The following MARCHF3 variants were observed in gnomAD, a reference collection of about 807,000 sequenced individuals.
The protein encoded by MARCHF3 is E3 ubiquitin-protein ligase MARCHF3.
Under a neutral mutation model 24.2 loss-of-function variants are expected in MARCHF3, and 13 were observed. That is an observed-to-expected ratio of 0.54 (90% CI 0.35 to 0.85). The LOEUF (loss-of-function observed/expected upper bound fraction) is 0.85, where lower values mean the gene tolerates loss of function less well. Ranked by LOEUF, MARCHF3 falls within the 40% of genes least tolerant of loss-of-function variation. The probability of loss-of-function intolerance (pLI) is 0.01; values close to 1 mark genes in which losing one functional copy is unlikely to be tolerated. For synonymous variants in MARCHF3, 144 were observed against 137.3 expected, an observed-to-expected ratio of 1.05 and a Z score of -0.34; for missense variants, 276 against 325.0, an observed-to-expected ratio of 0.85 and a Z score of 1.16.
intron 1 of MARCHF3, among the ~76,000 whole-genome samples, chr5:126,941,077 T>C (rs1424079792): frequency 6.6e-6 from 1 of 152,170 alleles, no homozygotes; most frequent in Non-Finnish European, 1.5e-5. Context: ...AACCACAAGT[T>C]TACAAAATTT....
At chr5:126,975,928 T>C (rs1315136929) in intron 1 of MARCHF3, among the ~76,000 whole-genome samples, 1 of 152,234 alleles carries the variant, frequency 6.6e-6, no homozygotes, top group Non-Finnish European at 1.5e-5. Flanking sequence ...ATATTCCCAG[T>C]AGGCCTGTGC....
At chr5:127,000,286 C>T (rs1680551206) in intron 1 of MARCHF3, among the ~76,000 whole-genome samples, 1 of 98,574 alleles carries the variant, frequency 1.0e-5, no homozygotes, top group African/African-American at 3.4e-5. Context: ...TGTTCTCACA[C>T]TCTGCCTCTT....
intron 3 of MARCHF3, among the ~76,000 whole-genome samples, chr5:126,885,532 A>T (rs1580599827): frequency 8.1e-6 from 1 of 123,336 alleles, no homozygotes; most frequent in Admixed American, 8.6e-5. Flanking sequence ...GTGCCATTGC[A>T]TTCCAGCCTG....
intron 1 of MARCHF3, among the ~76,000 whole-genome samples, chr5:126,936,873 G>A (rs151322674): frequency 6.6e-6 from 1 of 152,244 alleles, no homozygotes; most frequent in Non-Finnish European, 1.5e-5. Context: ...AGATCTCCAG[G>A]TAAAGAAATT....
At chr5:126,973,574 G>A (rs982164482) in intron 1 of MARCHF3, among the ~76,000 whole-genome samples, 2 of 152,200 alleles carry the variant, frequency 1.3e-5, no homozygotes, top group Non-Finnish European at 2.9e-5. Context: ...AGTGCAGAGG[G>A]TGGCAGAGAG....
At chr5:127,029,258 C>A (rs1753097430) in intron 1 of MARCHF3, among the ~76,000 whole-genome samples, 2 of 152,196 alleles carry the variant, frequency 1.3e-5, no homozygotes, top group South Asian at 4.2e-4. Context: ...TGTGTATATG[C>A]GCATCTACAT....
At chr5:126,899,548 T>G (rs1233792593) in intron 3 of MARCHF3, among the ~76,000 whole-genome samples, 1 of 152,030 alleles carries the variant, frequency 6.6e-6, no homozygotes, top group Non-Finnish European at 1.5e-5. Flanking sequence ...AAGACTCAAA[T>G]GCAGAGGAAG....
intron 1 of MARCHF3, among the ~76,000 whole-genome samples, chr5:127,026,199 G>A (rs1046666394): frequency 1.3e-5 from 2 of 152,126 alleles, no homozygotes; most frequent in African/African-American, 2.4e-5. Context: ...TTTTGTAACT[G>A]GGCAGAAATC....
Position 126,917,987 on chromosome 5 carries a change from T to C in MARCHF3, c.185A>G (p.Gln62Arg). 1.9e-6 allele frequency: 3 copies of C among 1,613,704 alleles called. No homozygotes were observed. The highest frequency in any genetic ancestry group is 2.5e-6 in the Non-Finnish European group (3 of 1,179,802). ...TTTATTTTAATTGTGGTACTACCTC[T>C]GGGTGGCAAGAGTCCGCACTACTGT... is the stretch of plus-strand genomic sequence containing the variant. ...LSTVVRTLAT[Q>R]SPFNDRPMCR... is the part of the protein sequence containing the mutation. Residue 62 changes from glutamine to arginine, a missense_variant, in exon 2 of 5, where the codon CAG becomes CGG. Transcript: ENST00000308660.
intron 1 of MARCHF3, among the ~76,000 whole-genome samples, chr5:126,940,662 G>GT (rs886450761): frequency 8.6e-5 from 13 of 151,918 alleles, no homozygotes; most frequent in Non-Finnish European, 1.9e-4. Context: ...GGCCAGGTTG[G>GT]TCTTAAACTC....
intron 3 of MARCHF3, among the ~76,000 whole-genome samples, chr5:126,895,854 C>T (rs999339948): frequency 1.5e-4 from 23 of 152,152 alleles, no homozygotes; most frequent in Non-Finnish European, 2.9e-4. Flanking sequence ...TTGGAGCTTC[C>T]GGGCTGCTTT....
intron 1 of MARCHF3, among the ~76,000 whole-genome samples, chr5:127,022,357 AC>A (rs1421597181): frequency 6.6e-6 from 1 of 152,242 alleles, no homozygotes; most frequent in Non-Finnish European, 1.5e-5. Flanking sequence ...TGGAGTTCTT[AC>A]CTGAAAAGAT....
intron 1 of MARCHF3, among the ~76,000 whole-genome samples, chr5:127,007,959 C>T (rs908740514): frequency 1.3e-5 from 2 of 151,810 alleles, no homozygotes; most frequent in Non-Finnish European, 2.9e-5. Context: ...CATGAGGGAA[C>T]CACAGCTGAG....
intron 4 of MARCHF3, among the ~76,000 whole-genome samples, chr5:126,873,319 A>C (rs1328938049): frequency 6.6e-6 from 1 of 152,112 alleles, no homozygotes; most frequent in African/African-American, 2.4e-5. Context: ...CACAGAGCAT[A>C]CATTTTAGTG....
chr5:126,984,550 G>A (rs1307922067), intron 1 of MARCHF3, among the ~76,000 whole-genome samples: 1 of 152,236 alleles, frequency 6.6e-6, no homozygotes, highest in African/African-American at 2.4e-5. Flanking sequence ...TGGGCTTCCA[G>A]GGCGGGCCCC....
At chr5:127,019,906 C>G (rs996819941) in intron 1 of MARCHF3, among the ~76,000 whole-genome samples, 1 of 152,138 alleles carries the variant, frequency 6.6e-6, no homozygotes, top group Non-Finnish European at 1.5e-5. Flanking sequence ...CTTAGAAGGT[C>G]TAGGACAGGA....
rs566436449 is a variant in MARCHF3 at position 127,019,968 on chromosome 5, T to A, written c.-57+10382A>T. On this transcript the variant is annotated intron_variant, in intron 1 of 4. Transcript: ENST00000308660. Reference sequence around the variant, plus strand: ...ATCTCAAGAATCCTGGGATAGGAGATGAGACAGCTTTTTAATTTACAACAC... The same window carrying A: ...ATCTCAAGAATCCTGGGATAGGAGAAGAGACAGCTTTTTAATTTACAACAC... Among the ~76,000 whole-genome samples the A allele has an allele frequency of 4.6e-5, 7 of 152,330 alleles. No homozygotes were observed. The East Asian group carries it at 1.3e-3, about 29-fold the overall frequency.
chr5:126,871,440 G>C (rs1304221858), intron 4 of MARCHF3, among the ~76,000 whole-genome samples: 1 of 152,164 alleles, frequency 6.6e-6, no homozygotes, highest in African/African-American at 2.4e-5. Context: ...AGGCTAGGTG[G>C]GGCACGACTC....
At chr5:126,971,950 C>T (rs1034924972) in intron 1 of MARCHF3, among the ~76,000 whole-genome samples, 7 of 152,184 alleles carry the variant, frequency 4.6e-5, no homozygotes, top group African/African-American at 1.2e-4. Context: ...AACTTAGAAA[C>T]TTAGGAGGCA....
Sources: allele counts gnomAD v4.1 joint callset (sites outside exome capture counted in the v4.1 genomes callset), GRCh38; gene constraint gnomAD v4.1.1; transcripts MANE v1.5; gene names NCBI Gene and HGNC (gene_info 2026-07-23, HGNC 2026-07-21).